AOAH: variants seen among roughly 807,000 people sequenced by gnomAD.
AOAH encodes acyloxyacyl hydrolase, also known as acyloxyacyl hydrolase (neutrophil).
AOAH carries 64 observed loss-of-function variants against 92.2 expected under a neutral mutation model. The ratio of observed to expected loss-of-function variants is 0.69; its 90% CI spans 0.57 to 0.86. The LOEUF (loss-of-function observed/expected upper bound fraction) is 0.86. Among genes scored for constraint, AOAH ranks in the 40% least tolerant of loss-of-function variants. The pLI, the probability that AOAH is intolerant of heterozygous loss-of-function variation, is 0.00. For missense variants in AOAH, 656 were observed against 694.6 expected (o/e 0.94, Z 0.62); for synonymous variants, 263 against 254.5 (o/e 1.03, Z -0.32).
chr7:36,532,381 C>T (rs376856468), intron 16 of AOAH, 37 bp from the exon 17 acceptor site: 25 of 1,605,100 alleles, frequency 1.6e-5, no homozygotes, highest in African/African-American at 2.7e-5. Flanking sequence ...TGCATCCACT[C>T]GGCAATAGCA....
At chr7:36,685,502 C>T (rs761175277) in intron 2 of AOAH, among the ~76,000 whole-genome samples, 3 of 152,080 alleles carry the variant, frequency 2.0e-5, no homozygotes, top group Admixed American at 6.5e-5. Flanking sequence ...ATTTGCTTTG[C>T]GTGGTTTTCT....
intron 16 of AOAH, among the ~76,000 whole-genome samples, chr7:36,533,044 A>G (rs1485791814): frequency 6.6e-6 from 1 of 152,238 alleles, no homozygotes; most frequent in Non-Finnish European, 1.5e-5. Context: ...TTACAGAGGT[A>G]CATAATAAAG....
Position 36,616,487 on chromosome 7 carries a change from A to G in AOAH, c.752-13T>C, listed in dbSNP as rs767727115. On this transcript the variant is annotated splice_polypyrimidine_tract_variant and intron_variant, in intron 10 of 20. Coordinates refer to ENST00000617537, the MANE Select transcript of AOAH (RefSeq NM_001637.4). The stretch of plus-strand genomic sequence containing the variant: ...CTGGGCTGTGAACCTAGGCAGCACA[A>G]TTTATTCACATTATTTATGCACTCA... 1.2e-6 allele frequency: 2 copies of G among 1,608,996 alleles called. No homozygotes were observed. Among genetic ancestry groups the G allele is most frequent in the African/African-American group, 1.3e-5 (1 of 74,858 alleles).
intron 4 of AOAH, among the ~76,000 whole-genome samples, chr7:36,641,384 C>A (rs937383104): frequency 5.9e-5 from 9 of 152,298 alleles, no homozygotes; most frequent in African/African-American, 2.2e-4. Flanking sequence ...CTTGTTCCCC[C>A]AATGACTCTC....
In AOAH at chr7:36,595,773, G is replaced by A. The variant is rs75853571; in HGVS notation, c.847-1343C>T. 6.9e-3 allele frequency among the ~76,000 whole-genome samples: 1,048 copies of A among 152,022 alleles called. 11 individuals are homozygous for A. The highest frequency in any genetic ancestry group is 0.029 in the East Asian group (150 of 5,174). On this transcript the variant is annotated intron_variant, in intron 11 of 20. Transcript: ENST00000617537. ...AAGCCAATATTCCCTTTTTGCCTTC[G>A]CTGACTGGAAGCCTCCATGAGTGGC... is the stretch of plus-strand genomic sequence containing the variant.
intron 4 of AOAH, among the ~76,000 whole-genome samples, chr7:36,657,872 C>A (rs1030297231): frequency 7.2e-5 from 11 of 152,218 alleles, no homozygotes; most frequent in Admixed American, 3.9e-4. Context: ...TAAAGTTGAA[C>A]TTTTTGCGAC....
At chr7:36,540,797 G>T (rs1195892251) in intron 15 of AOAH, among the ~76,000 whole-genome samples, 1 of 152,210 alleles carries the variant, frequency 6.6e-6, no homozygotes, top group South Asian at 2.1e-4. Flanking sequence ...CTTTGCATGG[G>T]TATAGGCAAT....
At chr7:36,654,240 T>C (rs1191875723) in intron 4 of AOAH, among the ~76,000 whole-genome samples, 2 of 151,464 alleles carry the variant, frequency 1.3e-5, no homozygotes, top group South Asian at 2.1e-4. Flanking sequence ...TGGGTGGTCT[T>C]TGCAGTGAGG....
intron 3 of AOAH, among the ~76,000 whole-genome samples, chr7:36,662,478 A>G (rs578029952): frequency 2.0e-5 from 3 of 152,334 alleles, no homozygotes; most frequent in African/African-American, 7.2e-5. Context: ...ACTAATGTCT[A>G]CCAGGGGTCA....
At chr7:36,671,586 C>T (rs1009479597) in intron 3 of AOAH, among the ~76,000 whole-genome samples, 2 of 151,254 alleles carry the variant, frequency 1.3e-5, no homozygotes, top group Admixed American at 6.6e-5. Context: ...TATGAGTGTG[C>T]ATGTGCTCAT....
chr7:36,525,065 C>A lies in AOAH; in HGVS notation c.1523-2950G>T, dbSNP rs1431773698. ...TGAATAAGACATGAGGCAGAGTCCT[C>A]TTGTAATAAATAGATGCACAGCAAA... On this transcript the variant is annotated intron_variant, in intron 19 of 20. Transcript: ENST00000617537. 3.3e-5 allele frequency among the ~76,000 whole-genome samples: 5 copies of A among 152,168 alleles called. No homozygotes were observed. The East Asian group carries it at 9.6e-4, about 29-fold the overall frequency.
intron 19 of AOAH, among the ~76,000 whole-genome samples, chr7:36,522,994 G>A (rs779968210): frequency 6.6e-6 from 1 of 152,178 alleles, no homozygotes; most frequent in Non-Finnish European, 1.5e-5. Context: ...GCTTTGATTG[G>A]ACAAGACGGG....
intron 13 of AOAH, among the ~76,000 whole-genome samples, chr7:36,558,093 G>GT (rs1000140255): frequency 1.3e-5 from 2 of 152,156 alleles, no homozygotes; most frequent in African/African-American, 2.4e-5. Context: ...TTTCTGCTCT[G>GT]TTTTTTCCCC....
At chr7:36,640,604 T>C (rs1034277691) in intron 4 of AOAH, among the ~76,000 whole-genome samples, 17 of 152,126 alleles carry the variant, frequency 1.1e-4, no homozygotes, top group Non-Finnish European at 2.1e-4. Context: ...CTGCAGCCTT[T>C]GTCTCGGCGG....
intron 10 of AOAH, among the ~76,000 whole-genome samples, chr7:36,617,613 A>C (rs1791994713): frequency 6.6e-6 from 1 of 152,220 alleles, no homozygotes; most frequent in South Asian, 2.1e-4. Flanking sequence ...TGAATGAATG[A>C]GGTGATTGTG....
chr7:36,699,637 G>GTTTT (rs377319409), intron 1 of AOAH, among the ~76,000 whole-genome samples: 1 of 134,514 alleles, frequency 7.4e-6, no homozygotes, highest in Non-Finnish European at 1.6e-5. Context: ...TGGATTATTT[G>GTTTT]TTTTTTTTTT....
At chr7:36,637,610 C>T (rs1211411610) in intron 5 of AOAH, among the ~76,000 whole-genome samples, 2 of 151,932 alleles carry the variant, frequency 1.3e-5, no homozygotes, top group Non-Finnish European at 2.9e-5. Flanking sequence ...GGACAGCCTG[C>T]ACAACAAAGG....
intron 14 of AOAH, 150 bp from the exon 15 acceptor site, chr7:36,548,836 C>T: frequency 1.6e-6 from 1 of 616,558 alleles, no homozygotes; most frequent in East Asian, 2.9e-5. Flanking sequence ...GTACAGCCAA[C>T]CACCATTCCC....
intron 20 of AOAH, among the ~76,000 whole-genome samples, chr7:36,515,938 C>A (rs1215292761): frequency 1.4e-5 from 2 of 146,688 alleles, no homozygotes; most frequent in African/African-American, 2.5e-5. Context: ...TCACACACAC[C>A]CCCACATCCC....
Sources: allele counts gnomAD v4.1 joint callset (sites outside exome capture counted in the v4.1 genomes callset), GRCh38; gene constraint gnomAD v4.1.1; transcripts MANE v1.5; gene names NCBI Gene and HGNC (gene_info 2026-07-23, HGNC 2026-07-21).